ZHX2: variants seen among roughly 807,000 people sequenced by gnomAD.
ZHX2 encodes zinc fingers and homeoboxes protein 2.
A neutral mutation model predicts 21.9 loss-of-function variants in ZHX2; 6 were observed. The observed-to-expected ratio is 0.27, with a 90% CI of 0.15 to 0.54. ZHX2 has a LOEUF of 0.54. Ranked by LOEUF, ZHX2 falls within the 20% of genes least tolerant of loss-of-function variation. The probability of loss-of-function intolerance (pLI) is 0.95; values close to 1 mark genes in which losing one functional copy is unlikely to be tolerated. For synonymous variants in ZHX2, 434 were observed against 437.1 expected (o/e 0.99, Z 0.09); for missense variants, 908 against 1,090.7 (o/e 0.83, Z 2.36).
chr8:122,803,368 G>T (rs1474066284), intron 1 of ZHX2, among the ~76,000 whole-genome samples: 1 of 152,162 alleles, frequency 6.6e-6, no homozygotes, highest in Non-Finnish European at 1.5e-5. Context: ...GCCATGTCTT[G>T]CCTCTTCGGT....
Position 122,952,776 on chromosome 8 carries a change from C to T in ZHX2, c.1266C>T (p.His422=), listed in dbSNP as rs767563538. Residue 422 remains histidine, a synonymous_variant, in exon 3 of 4, where the codon CAC becomes CAT. Transcript: ENST00000314393. This position sits in a 1 kb window ranked among gnomAD's most constrained non-coding sequence, Gnocchi z 6.9. ...PQAAPEPKRP[H]IAQVPEPPPK... ...CTGCCCCCGAACCCAAGCGTCCACACATCGCTCAGGTGCCAGAGCCCCCAC... is the reference window on the plus strand; with the variant it reads ...CTGCCCCCGAACCCAAGCGTCCACATATCGCTCAGGTGCCAGAGCCCCCAC... 5.6e-6 allele frequency: 9 copies of T among 1,614,130 alleles called. No homozygotes were observed. The highest frequency in any genetic ancestry group is 1.6e-4 in the Middle Eastern group (1 of 6,062).
chr8:122,966,200 G>T (rs1221780957), intron 3 of ZHX2, among the ~76,000 whole-genome samples: 1 of 152,014 alleles, frequency 6.6e-6, no homozygotes, highest in Non-Finnish European at 1.5e-5. Context: ...TCTAGTTGTT[G>T]CATGAATACC....
At chr8:122,932,759 A>G (rs1003106100) in intron 2 of ZHX2, among the ~76,000 whole-genome samples, 2 of 152,208 alleles carry the variant, frequency 1.3e-5, no homozygotes, top group African/African-American at 4.8e-5. Flanking sequence ...TTTTCACGTC[A>G]TCCAAATCCC....
At chr8:122,817,423 C>T (rs2130625741) in intron 1 of ZHX2, among the ~76,000 whole-genome samples, 1 of 152,282 alleles carries the variant, frequency 6.6e-6, no homozygotes, top group East Asian at 1.9e-4. Context: ...GGGGAGCTTA[C>T]CAGGCCAACT....
chr8:122,817,706 C>T (rs1818064444), intron 1 of ZHX2, among the ~76,000 whole-genome samples: 1 of 152,210 alleles, frequency 6.6e-6, no homozygotes, highest in East Asian at 1.9e-4. Context: ...AACTGTGTGG[C>T]CCTGCCCCTG....
intron 2 of ZHX2, among the ~76,000 whole-genome samples, chr8:122,879,982 T>TC (rs71310633): frequency 2.0e-5 from 3 of 150,546 alleles, no homozygotes; most frequent in Non-Finnish European, 3.0e-5. Flanking sequence ...CTTTTTTTTT[T>TC]TTTTTTTTTA....
chr8:122,923,148 T>G (rs1820777495), intron 2 of ZHX2, among the ~76,000 whole-genome samples: 1 of 152,276 alleles, frequency 6.6e-6, no homozygotes, highest in Non-Finnish European at 1.5e-5. Context: ...TGGTGAACTA[T>G]TGCTGCACAG....
intron 3 of ZHX2, among the ~76,000 whole-genome samples, chr8:122,972,534 T>A (rs1377975739): frequency 6.6e-6 from 1 of 152,174 alleles, no homozygotes; most frequent in Non-Finnish European, 1.5e-5. Flanking sequence ...AAAATAAGAA[T>A]AATAATAATA....
chr8:122,971,620 A>AATAAAAAATAAAAAATAAAAAAT (rs773947648), intron 3 of ZHX2, among the ~76,000 whole-genome samples: 6,617 of 149,770 alleles, frequency 0.044, 265 homozygotes, highest in Admixed American at 0.095. Flanking sequence ...ACAAAAAAAA[A>AATAAAAAATAAAAAATAAAAAAT]AAAAAAAAAA....
Position 122,803,191 on chromosome 8 carries a change from C to G in ZHX2, c.-283+21245C>G, listed in dbSNP as rs1817754255. Among the ~76,000 whole-genome samples, 4 of 152,240 alleles carry G rather than the reference C, an allele frequency of 2.6e-5. No individual in the cohort carries two copies. The South Asian group carries it at 8.3e-4, about 32-fold the overall frequency. Reference sequence around the variant, plus strand: ...CAGCCAGATTTCTCCCTCCCTCTCCCCACTCTACCCCTAAAAAACAGCCCC... The same window carrying G: ...CAGCCAGATTTCTCCCTCCCTCTCCGCACTCTACCCCTAAAAAACAGCCCC... On this transcript the variant is annotated intron_variant, in intron 1 of 3. Coordinates refer to ENST00000314393, the MANE Select transcript of ZHX2 (RefSeq NM_014943.5).
At chr8:122,792,592 A>G (rs1198568096) in intron 1 of ZHX2, among the ~76,000 whole-genome samples, 1 of 152,166 alleles carries the variant, frequency 6.6e-6, no homozygotes, top group African/African-American at 2.4e-5. Context: ...TCCCATCAGC[A>G]GAGTATGAGA....
At chr8:122,945,093 C>T (rs982866602) in intron 2 of ZHX2, among the ~76,000 whole-genome samples, 4 of 152,054 alleles carry the variant, frequency 2.6e-5, no homozygotes, top group Non-Finnish European at 4.4e-5. Flanking sequence ...ACTTCCAGCC[C>T]GCAAAACTGT....
chr8:122,953,961 A>G lies in ZHX2; in HGVS notation c.2451A>G (p.Glu817=). Residue 817 remains glutamate, a synonymous_variant, in exon 3 of 4, where the codon GAA becomes GAG. Transcript: ENST00000314393. The surrounding 1 kb of genome is among the most constrained non-coding windows in gnomAD (Gnocchi z 4.6). ...RSDSWSQAAA[E]GVSELAESDS... Reference sequence around the variant, plus strand: ...ATAGCTGGAGTCAGGCTGCGGCAGAAGGTGTGTCGGAACTGGCTGAATCAG... The same window carrying G: ...ATAGCTGGAGTCAGGCTGCGGCAGAGGGTGTGTCGGAACTGGCTGAATCAG... The G allele has an allele frequency of 6.2e-7, 1 of 1,613,994 alleles. No homozygotes were observed. Among genetic ancestry groups the G allele is most frequent in the Non-Finnish European group, 8.5e-7 (1 of 1,179,910 alleles).
rs1004271439 is a variant in ZHX2 at position 122,782,481 on chromosome 8, G to A, written c.-283+535G>A. ...CCCGTCTCCGCGCGTTTTGGCAGGC[G>A]GGGGGCTGCGTGTGTCTGCTCCCCT... On this transcript the variant is annotated intron_variant, in intron 1 of 3. Transcript: ENST00000314393. The surrounding 1 kb of genome is among the most constrained non-coding windows in gnomAD (Gnocchi z 5.3). Among the ~76,000 whole-genome samples the A allele has an allele frequency of 3.9e-4, 59 of 152,214 alleles. No individual in the cohort carries two copies. The highest frequency in any genetic ancestry group is 1.4e-3 in the African/African-American group (59 of 41,546).
At chr8:122,884,646 C>T (rs1443695026) in intron 2 of ZHX2, among the ~76,000 whole-genome samples, 1 of 152,188 alleles carries the variant, frequency 6.6e-6, no homozygotes, top group Non-Finnish European at 1.5e-5. Flanking sequence ...GTCCGCTGGC[C>T]ATGGAAGCCT....
At chr8:122,965,085 T>C (rs1586430847) in intron 3 of ZHX2, among the ~76,000 whole-genome samples, 1 of 151,746 alleles carries the variant, frequency 6.6e-6, no homozygotes, top group Non-Finnish European at 1.5e-5. Flanking sequence ...TTTGTTTATC[T>C]TTTCAAAGAA....
At chr8:122,831,935 A>T (rs1818387427) in intron 1 of ZHX2, among the ~76,000 whole-genome samples, 1 of 152,004 alleles carries the variant, frequency 6.6e-6, no homozygotes, top group Admixed American at 6.6e-5. Context: ...TAGCGGGAGG[A>T]GATTGGCTTC....
rs140914389 is a variant in ZHX2 at position 122,936,958 on chromosome 8, C to T, written c.-219-14334C>T. ...GGCTGTTCCTTAATCACTCACTGTT[C>T]CTGGAGACAGTGATGTTCTCACTGG... On this transcript the variant is annotated intron_variant, in intron 2 of 3. Transcript: ENST00000314393. 6.1e-3 allele frequency among the ~76,000 whole-genome samples: 927 copies of T among 152,362 alleles called. 12 individuals carry two copies. Among genetic ancestry groups the T allele is most frequent in the Non-Finnish European group, 9.7e-3 (661 of 68,036 alleles).
chr8:122,950,209 C>T (rs764176394), intron 2 of ZHX2, among the ~76,000 whole-genome samples: 8 of 151,970 alleles, frequency 5.3e-5, no homozygotes, highest in Non-Finnish European at 1.2e-4. Flanking sequence ...GAGCCAAAAA[C>T]GAAATAAATT....
Sources: gnomAD v4.1 joint callset for allele counts (sites outside exome capture counted in the v4.1 genomes callset) on GRCh38, gnomAD v4.1.1 for gene constraint, Gnocchi (gnomAD v3.1) non-coding constraint, MANE v1.5 for transcripts, NCBI Gene and HGNC (gene_info 2026-07-23, HGNC 2026-07-21) for gene names.